The following MAP2K5 variants were observed in gnomAD, a reference collection of about 807,000 sequenced individuals.
The protein encoded by MAP2K5 is dual specificity mitogen-activated protein kinase kinase 5.
In MAP2K5, 49 loss-of-function variants were observed where a neutral mutation model predicts 83.1. The observed-to-expected ratio is 0.59, with a 90% CI of 0.47 to 0.75. The LOEUF is 0.75. Among genes scored for constraint, MAP2K5 ranks in the 30% least tolerant of loss-of-function variants. The pLI, the probability that MAP2K5 is intolerant of heterozygous loss-of-function variation, is 0.00. For missense variants in MAP2K5, 457 were observed against 557.5 expected, an observed-to-expected ratio of 0.82 and a Z score of 1.82; for synonymous variants, 202 against 191.8, an observed-to-expected ratio of 1.05 and a Z score of -0.44.
intron 13 of MAP2K5, among the ~76,000 whole-genome samples, chr15:67,689,976 G>A (rs1037222692): frequency 3.1e-4 from 47 of 152,138 alleles, no homozygotes; most frequent in Admixed American, 2.1e-3. Context: ...GCAGCCCAGC[G>A]CAAATTTGTA....
intron 21 of MAP2K5, among the ~76,000 whole-genome samples, chr15:67,776,672 T>A (rs1452165941): frequency 6.6e-6 from 1 of 152,236 alleles, no homozygotes; most frequent in Non-Finnish European, 1.5e-5. Flanking sequence ...ATTCAATTTC[T>A]GTGTTTAAAT....
In MAP2K5 at chr15:67,778,663, C is replaced by T. The variant is rs909595087; in HGVS notation, c.1242+5911C>T. 4.6e-5 allele frequency among the ~76,000 whole-genome samples: 7 copies of T among 152,070 alleles called. No individual in the cohort carries two copies. The highest frequency in any genetic ancestry group is 1.7e-4 in the African/African-American group (7 of 41,402). On this transcript the variant is annotated intron_variant, in intron 21 of 21. Transcript: ENST00000178640. The surrounding 1 kb of genome is among the most constrained non-coding windows in gnomAD (Gnocchi z 5.0). ...TCTGTGAGAGCAGGGTGATCCTTTG[C>T]GGTTAGCAGAAGGGTAGGGGGATTT...
chr15:67,585,076 CAAAAA>C (rs59012209), intron 4 of MAP2K5, among the ~76,000 whole-genome samples: 2 of 122,178 alleles, frequency 1.6e-5, no homozygotes, highest in Non-Finnish European at 3.3e-5. Context: ...GAGAGAGGAG[CAAAAA>C]AAAAAAAAAA....
intron 12 of MAP2K5, among the ~76,000 whole-genome samples, chr15:67,659,691 A>G (rs1432442982): frequency 6.6e-6 from 1 of 152,120 alleles, no homozygotes; most frequent in Non-Finnish European, 1.5e-5. Flanking sequence ...CTTGGCTGTA[A>G]AGTTTAATAA....
chr15:67,582,055 A>AT (rs1233297576), intron 4 of MAP2K5, among the ~76,000 whole-genome samples: 12,714 of 134,368 alleles, frequency 0.095, 718 homozygotes, highest in East Asian at 0.17. Flanking sequence ...GATGTAGATG[A>AT]TTTCTTTTTT....
At chr15:67,545,004 G>T (rs903761780) in intron 1 of MAP2K5, among the ~76,000 whole-genome samples, 1 of 152,128 alleles carries the variant, frequency 6.6e-6, no homozygotes, top group African/African-American at 2.4e-5. Context: ...ATCTGGATTG[G>T]CCCCTGTCTG....
intron 8 of MAP2K5, among the ~76,000 whole-genome samples, chr15:67,614,492 C>T (rs1401721242): frequency 6.6e-6 from 1 of 152,126 alleles, no homozygotes; most frequent in Non-Finnish European, 1.5e-5. Context: ...CTATTTTCCC[C>T]CACATATATT....
intron 13 of MAP2K5, among the ~76,000 whole-genome samples, chr15:67,685,693 TAAATG>T (rs2087936056): frequency 1.3e-5 from 2 of 152,372 alleles, no homozygotes; most frequent in East Asian, 3.9e-4. Flanking sequence ...TTGTACATTA[TAAATG>T]AAATACCCTA....
chr15:67,598,593 G>A (rs943929198), intron 7 of MAP2K5, among the ~76,000 whole-genome samples: 1 of 152,130 alleles, frequency 6.6e-6, no homozygotes, highest in African/African-American at 2.4e-5. Context: ...TGGAGTGCTG[G>A]GAATGTGGAT....
At position 67,769,665 on chromosome 15, in the gene MAP2K5, T is replaced by C; in HGVS notation, c.1196+2T>C. On this transcript the variant is annotated splice_donor_variant, in intron 20 of 21. Coordinates refer to ENST00000178640, the MANE Select transcript of MAP2K5 (RefSeq NM_145160.3). LOFTEE classifies it high-confidence loss of function. This position sits in a 1 kb window ranked among gnomAD's most constrained non-coding sequence, Gnocchi z 5.2. ...ATTTGTACATTTCATCACTCAGTGGTGAGCCCGTTTACAAACATGCCATGC... is the reference window on the plus strand; with the variant it reads ...ATTTGTACATTTCATCACTCAGTGGCGAGCCCGTTTACAAACATGCCATGC... 6.2e-7 allele frequency: 1 copy of C among 1,613,666 alleles called. No homozygotes were observed. Among genetic ancestry groups the C allele is most frequent in the Non-Finnish European group, 8.5e-7 (1 of 1,179,694 alleles).
chr15:67,771,700 G>A (rs1482957740), intron 20 of MAP2K5, among the ~76,000 whole-genome samples: 2 of 152,160 alleles, frequency 1.3e-5, no homozygotes, highest in East Asian at 3.8e-4. Flanking sequence ...AAATGTCCTC[G>A]ATGTCATTAA....
At chr15:67,800,269 A>T (rs1202091663) in intron 21 of MAP2K5, among the ~76,000 whole-genome samples, 1 of 152,182 alleles carries the variant, frequency 6.6e-6, no homozygotes, top group Non-Finnish European at 1.5e-5. Context: ...ATGTTTTATT[A>T]TGTAAAATTA....
intron 4 of MAP2K5, among the ~76,000 whole-genome samples, chr15:67,583,464 T>C (rs904585344): frequency 2.6e-5 from 4 of 152,328 alleles, no homozygotes; most frequent in African/African-American, 9.6e-5. Flanking sequence ...ACTGTCTTTT[T>C]ATTTCTGTGT....
At chr15:67,585,628 GTTAACTTGATT>G in intron 4 of MAP2K5, 1 of 431,850 alleles carries the variant, frequency 2.3e-6, no homozygotes, top group Non-Finnish European at 4.3e-6. Context: ...TTTTAGCTCA[GTTAACTTGATT>G]TTTATATGTT....
intron 13 of MAP2K5, among the ~76,000 whole-genome samples, chr15:67,674,256 G>A (rs2087623387): frequency 6.6e-6 from 1 of 152,174 alleles, no homozygotes; most frequent in Non-Finnish European, 1.5e-5. Flanking sequence ...GAGAGAGCTA[G>A]TATGTGCGTT....
rs1299482991 is a variant in MAP2K5 at position 67,724,256 on chromosome 15, G to A, written c.1045-3660G>A. On this transcript the variant is annotated intron_variant, in intron 16 of 21. Coordinates refer to ENST00000178640, the MANE Select transcript of MAP2K5 (RefSeq NM_145160.3). This position sits in a 1 kb window ranked among gnomAD's most constrained non-coding sequence, Gnocchi z 4.4. ...CAAGTAGATTAATAGACCAGTAGGG[G>A]TAAAAGATACAGAATGGCCCCAGGT... Among the ~76,000 whole-genome samples the A allele has an allele frequency of 1.3e-5, 2 of 152,182 alleles. No homozygotes were observed. Among genetic ancestry groups the A allele is most frequent in the Admixed American group, 6.5e-5 (1 of 15,270 alleles).
rs993139444 is a variant in MAP2K5, at chr15:67,543,374, G to A, written c.39G>A (p.Glu13=). ...CCCTTGGCCCCTTTCCTGCCATGGA[G>A]AACCAGGTGCTGGTAATTCGCATCA... is the stretch of plus-strand genomic sequence containing the variant. ...WLALGPFPAM[E]NQVLVIRIKI... Residue 13 remains glutamate, a synonymous_variant, in exon 1 of 22, where the codon GAG becomes GAA. Transcript: ENST00000178640. This position sits in a 1 kb window ranked among gnomAD's most constrained non-coding sequence, Gnocchi z 4.3. The A allele has an allele frequency of 1.2e-6, 2 of 1,614,214 alleles. No individual in the cohort carries two copies. Among genetic ancestry groups the A allele is most frequent in the South Asian group, 2.2e-5 (2 of 91,082 alleles).
In MAP2K5 at chr15:67,588,520, G is replaced by A. The variant is rs558416828; in HGVS notation, c.431+1607G>A. Among the ~76,000 whole-genome samples, 18 of 152,338 alleles carry A rather than the reference G, an allele frequency of 1.2e-4. No homozygotes were observed. The South Asian group carries it at 3.7e-3, about 32-fold the overall frequency. ...TCCTCCAGTAGATTCTATACTATTT[G>A]AGGGCAGTGACTGTAGCATATTCAT... On this transcript the variant is annotated intron_variant, in intron 6 of 21. Coordinates refer to ENST00000178640, the MANE Select transcript of MAP2K5 (RefSeq NM_145160.3).
At chr15:67,607,092 A>T (rs942490332) in intron 8 of MAP2K5, among the ~76,000 whole-genome samples, 1 of 152,226 alleles carries the variant, frequency 6.6e-6, no homozygotes, top group African/African-American at 2.4e-5. Flanking sequence ...TGGTTTTAAA[A>T]TTGACCTGAG....
Sources: allele counts gnomAD v4.1 joint callset (sites outside exome capture counted in the v4.1 genomes callset), GRCh38; gene constraint gnomAD v4.1.1; non-coding constraint Gnocchi (gnomAD v3.1); transcripts MANE v1.5; gene names NCBI Gene and HGNC (gene_info 2026-07-23, HGNC 2026-07-21).